Variants in NAV3 observed in about 807,000 individuals in gnomAD.
NAV3 encodes neuron navigator 3.
Under a neutral mutation model 244.7 loss-of-function variants are expected in NAV3, and 87 were observed. The ratio of observed to expected loss-of-function variants is 0.36; its 90% CI spans 0.30 to 0.42. NAV3 has a LOEUF of 0.42. Ranked by LOEUF, NAV3 falls within the 20% of genes least tolerant of loss-of-function variation. NAV3 has a pLI of 1.00. For synonymous variants in NAV3, 1,126 were observed against 1,042.2 expected (o/e 1.08, Z -1.55); for missense variants, 2,663 against 2,893.3 (o/e 0.92, Z 1.83).
At chr12:77,660,663 A>G (rs1055946177) in intron 2 of NAV3, among the ~76,000 whole-genome samples, 4 of 152,174 alleles carry the variant, frequency 2.6e-5, no homozygotes, top group African/African-American at 7.2e-5. Flanking sequence ...ATGTTTAGGT[A>G]TAAGTATGTA....
intron 2 of NAV3, among the ~76,000 whole-genome samples, chr12:77,785,001 T>C (rs531955226): frequency 6.6e-6 from 1 of 152,150 alleles, no homozygotes; most frequent in African/African-American, 2.4e-5. Context: ...CAGTTGACAT[T>C]GGGAGAAGTA....
At chr12:78,018,985 A>T (rs1161572121) in intron 8 of NAV3, among the ~76,000 whole-genome samples, 1 of 152,094 alleles carries the variant, frequency 6.6e-6, no homozygotes, top group Non-Finnish European at 1.5e-5. Context: ...ATATGTGAGA[A>T]ATTGGGGTCC....
chr12:77,992,763 C>T (rs1871666877), intron 5 of NAV3, among the ~76,000 whole-genome samples: 1 of 152,106 alleles, frequency 6.6e-6, no homozygotes, highest in Non-Finnish European at 1.5e-5. Flanking sequence ...TGGAAACAAG[C>T]ACCCCAAAAA....
rs922173264 is a variant in NAV3, at chr12:77,607,001, G to A, written c.72+34735G>A. Among the ~76,000 whole-genome samples the A allele has an allele frequency of 1.4e-4, 22 of 152,144 alleles. No individual in the cohort carries two copies. The East Asian group carries it at 2.1e-3, about 15-fold the overall frequency. On this transcript the variant is annotated intron_variant, in intron 2 of 8. Transcript: ENST00000550042. ...TTGGATTCAGGAGACAAATAAATTC[G>A]AGGAAGCAATGAAAAACATTCACTA...
intron 2 of NAV3, among the ~76,000 whole-genome samples, chr12:77,692,472 C>T (rs916060830): frequency 2.0e-5 from 3 of 151,960 alleles, no homozygotes; most frequent in Non-Finnish European, 4.4e-5. Context: ...CACCAATAGG[C>T]TGTACTAATG....
At chr12:77,823,741 C>T (rs1051910180) in intron 2 of NAV3, among the ~76,000 whole-genome samples, 2 of 151,856 alleles carry the variant, frequency 1.3e-5, no homozygotes, top group African/African-American at 4.8e-5. Flanking sequence ...TGTTAAAAAG[C>T]AATGTGACAT....
At chr12:77,591,138 G>C (rs1229893005) in intron 2 of NAV3, among the ~76,000 whole-genome samples, 2 of 152,148 alleles carry the variant, frequency 1.3e-5, no homozygotes, top group African/African-American at 2.4e-5. Flanking sequence ...TTCCTTTTGT[G>C]TATTTTGCAT....
chr12:77,724,308 A>G (rs184528623), intron 2 of NAV3, among the ~76,000 whole-genome samples: 32 of 152,092 alleles, frequency 2.1e-4, no homozygotes, highest in African/African-American at 7.7e-4. Context: ...TAGAAATGTT[A>G]AAAAACTTTC....
chr12:78,033,248 T>G (rs1336824181), intron 9 of NAV3, among the ~76,000 whole-genome samples: 1 of 152,030 alleles, frequency 6.6e-6, no homozygotes, highest in Admixed American at 6.6e-5. Flanking sequence ...CTTTTTTTTT[T>G]GAATGTTTAT....
intron 5 of NAV3, among the ~76,000 whole-genome samples, chr12:77,970,263 A>G (rs117940097): frequency 1.3e-4 from 20 of 152,284 alleles, no homozygotes; most frequent in Admixed American, 2.6e-4. Context: ...CTTGAAACCT[A>G]CTAACATTCA....
At chr12:77,922,984 T>G (rs1163393335) in intron 1 of NAV3, among the ~76,000 whole-genome samples, 1 of 151,960 alleles carries the variant, frequency 6.6e-6, no homozygotes, top group East Asian at 1.9e-4. Context: ...CTATTCTACT[T>G]TTTTTTGCAT....
In NAV3 at chr12:77,802,988, C is replaced by T. The variant is rs141378842; in HGVS notation, c.73-137331C>T. On this transcript the variant is annotated intron_variant, in intron 2 of 8. Transcript: ENST00000550042. ...GGCCTTGCACCTAGTATTTTGAAGA[C>T]ACTTTAGGATAGTTTAAAAGGGAAC... Among the ~76,000 whole-genome samples the T allele has an allele frequency of 5.6e-3, 855 of 152,204 alleles. 13 individuals are homozygous for T. The highest frequency in any genetic ancestry group is 0.019 in the African/African-American group (784 of 41,534).
At chr12:78,169,163 G>A (rs1430635991) in intron 24 of NAV3, among the ~76,000 whole-genome samples, 1 of 151,632 alleles carries the variant, frequency 6.6e-6, no homozygotes, top group Non-Finnish European at 1.5e-5. Context: ...CAGTGGAGAT[G>A]GAGATGGAGT....
At chr12:78,196,465 A>G (rs942014521) in intron 34 of NAV3, among the ~76,000 whole-genome samples, 2 of 152,018 alleles carry the variant, frequency 1.3e-5, no homozygotes, top group Non-Finnish European at 2.9e-5. Flanking sequence ...TGAAAATGTC[A>G]TTGTAAATAT....
intron 39 of NAV3, 45 bp downstream of exon 39, chr12:78,205,183 G>A (rs1960164291): frequency 6.5e-7 from 1 of 1,531,362 alleles, no homozygotes; most frequent in Non-Finnish European, 9.0e-7. Context: ...CTTGACTACA[G>A]TGTATAGTCA....
intron 21 of NAV3, 36 bp from the exon 22 acceptor site, chr12:78,148,806 C>T (rs755989470): frequency 1.3e-6 from 2 of 1,562,288 alleles, no homozygotes; most frequent in Admixed American, 3.6e-5. Flanking sequence ...TAAAAATCTA[C>T]TTGCCTATTC....
chr12:77,667,858 A>T (rs951929961), intron 2 of NAV3, among the ~76,000 whole-genome samples: 3 of 152,172 alleles, frequency 2.0e-5, no homozygotes, highest in African/African-American at 7.2e-5. Context: ...AAACTGGTGC[A>T]CTAAACAGAA....
chr12:77,887,216 A>G (rs545052609), intron 1 of NAV3, among the ~76,000 whole-genome samples: 7 of 152,226 alleles, frequency 4.6e-5, no homozygotes, highest in African/African-American at 1.7e-4. Context: ...GCTATGAAAA[A>G]ATTCTGCCCA....
At chr12:78,115,198 A>T (rs1459040916) in intron 12 of NAV3, among the ~76,000 whole-genome samples, 1 of 152,176 alleles carries the variant, frequency 6.6e-6, no homozygotes, top group Non-Finnish European at 1.5e-5. Flanking sequence ...GGAGCCTTTT[A>T]AATCCATGTG....
Sources: gnomAD v4.1 joint callset for allele counts (sites outside exome capture counted in the v4.1 genomes callset) on GRCh38, gnomAD v4.1.1 for gene constraint, MANE v1.5 for transcripts, NCBI Gene and HGNC (gene_info 2026-07-23, HGNC 2026-07-21) for gene names.